Variants in MRPL38 observed in about 807,000 individuals in gnomAD.
MRPL38 encodes mitochondrial ribosomal protein L38.
MRPL38 carries 51 observed loss-of-function variants against 52.1 expected under a neutral mutation model. That is an observed-to-expected ratio of 0.98 (90% CI 0.78 to 1.24). MRPL38 has a LOEUF of 1.24. Among genes scored for constraint, MRPL38 ranks in the 50% most tolerant of loss-of-function variants. The pLI is 0.00. For synonymous variants in MRPL38, 245 were observed against 212.7 expected (o/e 1.15, Z -1.32); for missense variants, 527 against 518.6 (o/e 1.02, Z -0.16).
At chr17:75,899,465 T>C in intron 7 of MRPL38, 51 bp downstream of exon 7, 1 of 1,544,100 alleles carries the variant, frequency 6.5e-7, no homozygotes, top group Non-Finnish European at 8.8e-7. Context: ...AGAGTGACCG[T>C]TCCAGGGGAG....
In MRPL38 at chr17:75,902,139, A is replaced by G. The variant is rs368016617; in HGVS notation, c.263T>C (p.Ile88Thr). The G allele has an allele frequency of 2.9e-5, 45 of 1,564,094 alleles. No homozygotes were observed. Among genetic ancestry groups the G allele is most frequent in the African/African-American group, 1.6e-4 (12 of 73,538 alleles). ...TTTGGGTGGAGGCAGCCCAATATCAATCTTCTCTTTGGGATCTGGAGTGGG... is the reference window on the plus strand; with the variant it reads ...TTTGGGTGGAGGCAGCCCAATATCAGTCTTCTCTTTGGGATCTGGAGTGGG... ...FGEKTDPKEK[I>T]DIGLPPPKVS... Residue 88 changes from isoleucine to threonine, a missense_variant, in exon 3 of 9, where the codon ATT becomes ACT. Transcript: ENST00000309352.
Position 75,901,362 on chromosome 17 carries a change from C to T in MRPL38, c.592-89G>A. On this transcript the variant is annotated intron_variant, in intron 4 of 8. Coordinates refer to ENST00000309352, the MANE Select transcript of MRPL38 (RefSeq NM_032478.4). This position sits in a 1 kb window ranked among gnomAD's most constrained non-coding sequence, Gnocchi z 5.7. ...TGGAGAAAGGGGTGCCCACTCTGAC[C>T]CAAAAGCCCTTGACAACCCCTGGCA... The T allele has an allele frequency of 4.5e-6, 6 of 1,327,468 alleles. No individual in the cohort carries two copies. The highest frequency in any genetic ancestry group is 1.5e-5 in the African/African-American group (1 of 68,680). The allele number at this position is 1,327,468 out of a possible 1,614,324, so 82.2% of individuals were successfully genotyped here. A position where few individuals can be genotyped will look rare whatever the true frequency, so the allele number is the denominator to read the frequency against.
chr17:75,898,990 CAAG>C lies in MRPL38; in HGVS notation c.1007-7_1007-5del, dbSNP rs764473590. 9 of 1,592,130 alleles carry C rather than the reference CAAG, an allele frequency of 5.7e-6. No individual in the cohort carries two copies. The highest frequency in any genetic ancestry group is 3.4e-5 in the South Asian group (3 of 88,924). On this transcript the variant is annotated splice_polypyrimidine_tract_variant and splice_region_variant and intron_variant, in intron 8 of 8. Coordinates refer to ENST00000309352, the MANE Select transcript of MRPL38 (RefSeq NM_032478.4). ...TCAAACACCGGCTCCCGCATGTCTG[CAAG>C]AAGAGTGAGGGGTACGGGGTGGTCT...
At position 75,898,973 on chromosome 17, in the gene MRPL38, C is replaced by T. The variant is rs747015179; in HGVS notation, c.1020G>A (p.Pro340=). 23 of 1,599,022 alleles carry T rather than the reference C, an allele frequency of 1.4e-5. No homozygotes were observed. Among genetic ancestry groups the T allele is most frequent in the East Asian group, 1.3e-4 (6 of 44,600 alleles). ...GGGGCGGCCGCACGAACTCAAACAC[C>T]GGCTCCCGCATGTCTGCAAGAAGAG... ...IFHQLLDMRE[P]VFEFVRPPPY... The change falls in exon 9 of 9, where the codon CCG becomes CCA. Residue 340 remains proline (P), a synonymous_variant. Coordinates refer to ENST00000309352, the MANE Select transcript of MRPL38 (RefSeq NM_032478.4).
intron 2 of MRPL38, chr17:75,904,216 A>G: frequency 3.7e-6 from 2 of 541,774 alleles, no homozygotes; most frequent in South Asian, 1.5e-5. Flanking sequence ...GTGTGGCCAG[A>G]GTTACCTACA....
Position 75,899,598 on chromosome 17 carries a change from A to C in MRPL38, c.787T>G (p.Ser263Ala). The C allele has an allele frequency of 6.2e-7, 1 of 1,608,360 alleles. No homozygotes were observed. The highest frequency in any genetic ancestry group is 8.5e-7 in the Non-Finnish European group (1 of 1,176,620). Residue 263 changes from serine (S) to alanine (A), a missense_variant, in exon 7 of 9, where the codon TCC (serine) becomes GCC (alanine). Coordinates refer to ENST00000309352, the MANE Select transcript of MRPL38 (RefSeq NM_032478.4). ...PYLPPFPARG[S>A]GIHRLAFLLF... Reference sequence around the variant, plus strand: ...AGGAAGGCAAGACGGTGGATGCCGGAGCCTCGGGCAGGGAAGGGGGGGAGG... The same window carrying C: ...AGGAAGGCAAGACGGTGGATGCCGGCGCCTCGGGCAGGGAAGGGGGGGAGG...
At chr17:75,904,784 C>CGA in intron 1 of MRPL38, 25 bp downstream of exon 1, 5 of 1,227,780 alleles carry the variant, frequency 4.1e-6, no homozygotes, top group Non-Finnish European at 5.3e-6. Flanking sequence ...CCCCCCCCCC[C>CGA]CCCGCAGAGC....
intron 8 of MRPL38, 38 bp downstream of exon 8, chr17:75,899,120 C>T: frequency 4.4e-6 from 7 of 1,576,710 alleles, no homozygotes; most frequent in Non-Finnish European, 6.0e-6. Flanking sequence ...GGCCTGGGAG[C>T]TCAGGCCCAC....
rs1249038989 is a variant in MRPL38, at chr17:75,904,708, G to A, written c.79C>T (p.Arg27Cys). The A allele has an allele frequency of 8.2e-6, 13 of 1,585,552 alleles. No individual in the cohort carries two copies. Among genetic ancestry groups the A allele is most frequent in the Non-Finnish European group, 1.1e-5 (13 of 1,174,330 alleles). The change falls in exon 2 of 9, where the codon CGC (arginine) becomes TGC (cysteine). Residue 27 changes from arginine (R) to cysteine (C), a missense_variant. Physicochemically the swap from Arg to Cys is radical, Grantham distance 180 (BLOSUM62 -3). Coordinates refer to ENST00000309352, the MANE Select transcript of MRPL38 (RefSeq NM_032478.4). ...RGFSTSAVLGRRTPPLGPMPN... is the reference protein window; with the variant it reads ...RGFSTSAVLGCRTPPLGPMPN... ...ATCGGCCCCAGCGGGGGTGTCCGGC[G>A]GCCCAGGACGGCTGCGGGCAGAGAG...
chr17:75,902,888 A>AT (rs971626193), intron 2 of MRPL38, among the ~76,000 whole-genome samples: 10 of 151,860 alleles, frequency 6.6e-5, no homozygotes, highest in East Asian at 1.9e-4. Context: ...TGCCCGACTA[A>AT]TTTTTTTTGT....
At position 75,901,232 on chromosome 17, in the gene MRPL38, G is replaced by A. The variant is rs1400759404; in HGVS notation, c.633C>T (p.Gly211=). The A allele has an allele frequency of 6.2e-7, 1 of 1,613,644 alleles. No homozygotes were observed. The highest frequency in any genetic ancestry group is 8.5e-7 in the Non-Finnish European group (1 of 1,179,850). Residue 211 remains glycine, a synonymous_variant, in exon 5 of 9, where the codon GGC becomes GGT. Transcript: ENST00000309352. The surrounding 1 kb of genome is among the most constrained non-coding windows in gnomAD (Gnocchi z 5.7). ...TAGTGAGTAGCAACGTCCACAAGGA[G>A]CCCTCTTCTGCCTCATAGGTCACCT... ...APEVTYEAEE[G]SLWTLLLTSL...
At chr17:75,900,720 C>CAAAAAAAAAAAA in intron 6 of MRPL38, 1 of 1,032,850 alleles carries the variant, frequency 9.7e-7, no homozygotes, top group Non-Finnish European at 1.2e-6. Flanking sequence ...GACCCTGTCT[C>CAAAAAAAAAAAA]AAAAAAAAAA....
chr17:75,904,770 G>GGGGGGGCCCCC, intron 1 of MRPL38, 39 bp downstream of exon 1: 9 of 500,008 alleles, frequency 1.8e-5, no homozygotes, highest in Admixed American at 9.6e-5. Flanking sequence ...TCGGGCGACA[G>GGGGGGGCCCCC]CCCCCCCCCC....
Position 75,903,658 on chromosome 17 carries a change from TAAAGA to T in MRPL38, c.247+877_247+881del, listed in dbSNP as rs60931911. On this transcript the variant is annotated intron_variant, in intron 2 of 8. Transcript: ENST00000309352. ...ACCACAAAACTGCCTCTATAAATGC[TAAAGA>T]AAAGAAAAGAAAAGAAAAGCATATA... Among the ~76,000 whole-genome samples the T allele has an allele frequency of 6.2e-3, 945 of 151,662 alleles. 4 individuals are homozygous for T. Among genetic ancestry groups the T allele is most frequent in the East Asian group, 0.011 (55 of 5,176 alleles).
chr17:75,899,731 C>T (rs1429095349), intron 6 of MRPL38, 57 bp from the exon 7 acceptor site: 3 of 1,427,818 alleles, frequency 2.1e-6, no homozygotes, highest in Admixed American at 2.5e-5. Context: ...AGGAGTGTCC[C>T]CTCAGCTCCA....
In MRPL38 at chr17:75,902,045, C is replaced by G; in HGVS notation, c.357G>C (p.Glu119Asp). The change falls in exon 3 of 9, where the codon GAG becomes GAC. Residue 119 changes from glutamate (E) to aspartate (D), a missense_variant. Glu to Asp is a conservative substitution (Grantham distance 45, BLOSUM62 2). Transcript: ENST00000309352. ...CTGTGCGGAGGCGGGCAGCCCGCTCCTCTTCCACATTGGCCCGAAGCTCCT... is the reference window on the plus strand; with the variant it reads ...CTGTGCGGAGGCGGGCAGCCCGCTCGTCTTCCACATTGGCCCGAAGCTCCT... The part of the protein sequence containing the change: ...AIQELRANVE[E>D]ERAARLRTAS... 1 of 1,613,508 alleles carries G rather than the reference C, an allele frequency of 6.2e-7. No individual in the cohort carries two copies. Among genetic ancestry groups the G allele is most frequent in the East Asian group, 2.2e-5 (1 of 44,874 alleles).
rs373275463 is a variant in MRPL38 at position 75,901,949 on chromosome 17, C to T, written c.383-29G>A. On this transcript the variant is annotated intron_variant, in intron 3 of 8. Coordinates refer to ENST00000309352, the MANE Select transcript of MRPL38 (RefSeq NM_032478.4). The surrounding 1 kb of genome is among the most constrained non-coding windows in gnomAD (Gnocchi z 5.7). ...GACAGGAATAAGGCCAGTTGGGATA[C>T]GGGGGTGGGGGGGGCAGGGACACAC... The T allele has an allele frequency of 6.4e-5, 35 of 547,064 alleles. No individual in the cohort carries two copies. The highest frequency in any genetic ancestry group is 8.0e-5 in the Non-Finnish European group (24 of 299,262). 33.9% of individuals were successfully genotyped at this position (547,064 alleles called of 1,614,324 possible). A position where few individuals can be genotyped will look rare whatever the true frequency, so the allele number is the denominator to read the frequency against.
At position 75,898,853 on chromosome 17, in the gene MRPL38, G is replaced by T. The variant is rs150339763; in HGVS notation, c.1140C>A (p.Tyr380Ter). Residue 380 changes from tyrosine to a stop codon, truncating the protein, a stop_gained, in exon 9 of 9, where the codon TAC becomes TAA. Coordinates refer to ENST00000309352, the MANE Select transcript of MRPL38 (RefSeq NM_032478.4). LOFTEE classifies it high-confidence loss of function. Reference protein sequence around the residue: ...RDSHEPTYGIY With the variant: ...RDSHEPTYGI ...GAAATGCGCACACTCTGGCTCCTTA[G>T]TAGATGCCATAGGTGGGCTCATGAC... The T allele has an allele frequency of 6.2e-7, 1 of 1,612,092 alleles. No individual in the cohort carries two copies. Among genetic ancestry groups the T allele is most frequent in the East Asian group, 2.2e-5 (1 of 44,802 alleles).
intron 2 of MRPL38, among the ~76,000 whole-genome samples, chr17:75,903,136 C>CACT (rs1340022084): frequency 4.6e-5 from 7 of 152,214 alleles, no homozygotes; most frequent in Non-Finnish European, 1.0e-4. Context: ...CGGCCAGGTG[C>CACT]TATGGCTCAC....
Sources: allele counts gnomAD v4.1 joint callset (sites outside exome capture counted in the v4.1 genomes callset), GRCh38; gene constraint gnomAD v4.1.1; non-coding constraint Gnocchi (gnomAD v3.1); transcripts MANE v1.5; gene names NCBI Gene and HGNC (gene_info 2026-07-23, HGNC 2026-07-21).